Variants in ARSF observed in about 807,000 individuals in gnomAD.
The protein encoded by ARSF is arylsulfatase F.
Under a neutral mutation model 35.4 loss-of-function variants are expected in ARSF, and 33 were observed. The observed-to-expected ratio is 0.93, with a 90% CI of 0.71 to 1.25. ARSF has a LOEUF of 1.25. Ranked by LOEUF, ARSF falls within the 50% of genes most tolerant of loss-of-function variation. The pLI is 0.00. For synonymous variants in ARSF, 222 were observed against 193.1 expected (o/e 1.15, Z -1.24); for missense variants, 501 against 480.2 (o/e 1.04, Z -0.40).
In ARSF at chrX:3,076,636, G is replaced by C. The variant is rs1054679577; in HGVS notation, c.250G>C (p.Ala84Pro). 4 of 1,211,615 alleles carry C rather than the reference G, an allele frequency of 3.3e-6. No individual in the cohort carries two copies. Among genetic ancestry groups the C allele is most frequent in the Non-Finnish European group, 4.5e-6 (4 of 895,500 alleles). ...CTCCCTCTGCAGCCCAAGCCGGTCCGCGTTCTTGACGGGAAGATACCCCAT... is the reference window on the plus strand; with the variant it reads ...CTCCCTCTGCAGCCCAAGCCGGTCCCCGTTCTTGACGGGAAGATACCCCAT... ...AASLCSPSRSAFLTGRYPIRS... is the reference protein window; with the variant it reads ...AASLCSPSRSPFLTGRYPIRS... The change falls in exon 4 of 11, where the codon GCG (alanine) becomes CCG (proline). Residue 84 changes from alanine (A) to proline (P), a missense_variant. Coordinates refer to ENST00000381127, the MANE Select transcript of ARSF (RefSeq NM_001201539.2).
intron 1 of ARSF, among the ~76,000 whole-genome samples, chrX:3,055,608 G>A (rs2090015010): frequency 9.0e-6 from 1 of 111,602 alleles, no homozygotes. Context: ...TGGCAAAGTT[G>A]TCCTATTGAC....
rs970223781 is a variant in ARSF, at chrX:3,077,457, G to A, written c.283+788G>A. Among the ~76,000 whole-genome samples the A allele has an allele frequency of 3.6e-5, 4 of 111,114 alleles. No homozygotes were observed. In the South Asian group the frequency reaches 1.2e-3, roughly 32 times the overall value. On this transcript the variant is annotated intron_variant, in intron 4 of 10. Coordinates refer to ENST00000381127, the MANE Select transcript of ARSF (RefSeq NM_001201539.2). ...AGTTCGAGCCCAGCCTGGCCAACAC[G>A]GTGAAAGCTCATCTCTACTAAAAAT...
intron 1 of ARSF, among the ~76,000 whole-genome samples, chrX:3,063,740 A>T (rs2090051943): frequency 8.9e-6 from 1 of 111,761 alleles, no homozygotes; most frequent in African/African-American, 3.3e-5. Flanking sequence ...TAGGAATCCA[A>T]CTTACAAGGG....
intron 6 of ARSF, among the ~76,000 whole-genome samples, chrX:3,087,861 T>A (rs2090259239): frequency 8.9e-6 from 1 of 111,901 alleles, no homozygotes; most frequent in Admixed American, 9.5e-5. Flanking sequence ...GATCACATCT[T>A]AAGTAATTAA....
At chrX:3,098,184 CA>C (rs1300504894) in intron 7 of ARSF, among the ~76,000 whole-genome samples, 1 of 109,180 alleles carries the variant, frequency 9.2e-6, no homozygotes, top group Non-Finnish European at 1.9e-5. Context: ...AGGGTGGTCT[CA>C]AATACCTGAG....
At chrX:3,092,224 G>C (rs1211944316) in intron 7 of ARSF, among the ~76,000 whole-genome samples, 2 of 110,439 alleles carry the variant, frequency 1.8e-5, no homozygotes, top group African/African-American at 6.6e-5. Flanking sequence ...TACATAGATA[G>C]ATAGATAGCT....
intron 1 of ARSF, among the ~76,000 whole-genome samples, chrX:3,067,563 A>G (rs750541631): frequency 5.4e-5 from 6 of 111,344 alleles, no homozygotes; most frequent in Non-Finnish European, 9.4e-5. Context: ...TTTGCCACTG[A>G]GACAATTCAT....
chrX:3,079,970 CAAAAAAA>C (rs1224175073), intron 4 of ARSF, among the ~76,000 whole-genome samples: 20 of 28,407 alleles, frequency 7.0e-4, no homozygotes, highest in Non-Finnish European at 1.0e-3. Flanking sequence ...ACAACAACAA[CAAAAAAA>C]AAAAAAAAAA....
At chrX:3,067,080 T>C (rs760824627) in intron 1 of ARSF, among the ~76,000 whole-genome samples, 22 of 109,341 alleles carry the variant, frequency 2.0e-4, no homozygotes, top group African/African-American at 7.0e-4. Flanking sequence ...TCATACCCTT[T>C]CTTCTTTCTT....
chrX:3,093,003 T>C (rs757481861), intron 7 of ARSF, among the ~76,000 whole-genome samples: 2 of 109,992 alleles, frequency 1.8e-5, no homozygotes, highest in Admixed American at 1.9e-4. Flanking sequence ...AAACCCCGTC[T>C]CTACTAAATA....
At chrX:3,102,818 A>G (rs751068279) in intron 8 of ARSF, among the ~76,000 whole-genome samples, 2 of 110,461 alleles carry the variant, frequency 1.8e-5, no homozygotes, top group East Asian at 5.7e-4. Context: ...AGGCTGAGGC[A>G]GGAGAATGGC....
chrX:3,075,774 T>G (rs1422018785), intron 3 of ARSF, among the ~76,000 whole-genome samples: 1 of 109,088 alleles, frequency 9.2e-6, no homozygotes. Flanking sequence ...TCTCTCTTTG[T>G]CTATCTCACT....
chrX:3,110,138 G>T lies in ARSF; in HGVS notation c.1276G>T (p.Gly426Cys). 8.4e-6 allele frequency: 10 copies of T among 1,184,672 alleles called. No homozygotes were observed. Among genetic ancestry groups the T allele is most frequent in the Non-Finnish European group, 1.1e-5 (10 of 881,454 alleles). The change falls in exon 10 of 11, where the codon GGC (glycine) becomes TGC (cysteine). Residue 426 changes from glycine to cysteine, a missense_variant. Gly to Cys is a radical substitution (Grantham distance 159, BLOSUM62 -3). Coordinates refer to ENST00000381127, the MANE Select transcript of ARSF (RefSeq NM_001201539.2). ...GSLPQDRVID[G>C]RDLMPLLQGN... ...TCTGTGTCTCTGCAGGGTCATTGAC[G>T]GCCGAGACCTCATGCCCTTGCTGCA...
chrX:3,089,722 A>G (rs965174964), intron 7 of ARSF, 90 bp downstream of exon 7: 4 of 1,019,212 alleles, frequency 3.9e-6, no homozygotes, highest in Non-Finnish European at 4.1e-6. Context: ...TGTAGAGTGA[A>G]GAGAATTATG....
intron 1 of ARSF, among the ~76,000 whole-genome samples, chrX:3,053,328 CT>C (rs762769881): frequency 0.024 from 2,246 of 92,969 alleles, 24 homozygotes; most frequent in Middle Eastern, 0.044. Context: ...GTATCCACAA[CT>C]TTTTTTTTTT....
intron 7 of ARSF, among the ~76,000 whole-genome samples, chrX:3,095,174 T>G (rs1017122292): frequency 1.8e-5 from 2 of 108,259 alleles, no homozygotes; most frequent in Admixed American, 1.0e-4. Context: ...ATGGCCACTA[T>G]GTAATCTCTC....
intron 4 of ARSF, among the ~76,000 whole-genome samples, chrX:3,080,238 G>A (rs1365594140): frequency 1.6e-4 from 13 of 81,411 alleles, no homozygotes; most frequent in African/African-American, 4.5e-4. Context: ...CACTTTGGGA[G>A]GCCAAGGCGG....
At chrX:3,084,734 A>G (rs2090234827) in intron 6 of ARSF, 68 bp downstream of exon 6, 1 of 990,900 alleles carries the variant, frequency 1.0e-6, no homozygotes, top group East Asian at 3.2e-5. Context: ...ACCTAGATAG[A>G]TCTGTAGGGT....
At chrX:3,091,682 T>C (rs997377613) in intron 7 of ARSF, among the ~76,000 whole-genome samples, 1 of 112,301 alleles carries the variant, frequency 8.9e-6, no homozygotes, top group Admixed American at 9.5e-5. Flanking sequence ...CATGAATAGA[T>C]GTTTATGTAG....
Sources: allele counts gnomAD v4.1 joint callset (sites outside exome capture counted in the v4.1 genomes callset), GRCh38; gene constraint gnomAD v4.1.1; transcripts MANE v1.5; gene names NCBI Gene and HGNC (gene_info 2026-07-23, HGNC 2026-07-21).